Variants in HDAC8 observed in about 807,000 individuals in gnomAD.
HDAC8 encodes histone deacetylase 8.
In HDAC8, 1 loss-of-function variant was observed where a neutral mutation model predicts 32.2. The observed-to-expected ratio is 0.03, with a 90% CI of 0.01 to 0.15. The LOEUF is 0.15. Ranked by LOEUF, HDAC8 falls within the 10% of genes least tolerant of loss-of-function variation. HDAC8 has a pLI of 1.00. For synonymous variants in HDAC8, 108 were observed against 113.9 expected, an observed-to-expected ratio of 0.95 and a Z score of 0.33; for missense variants, 117 against 300.0, an observed-to-expected ratio of 0.39 and a Z score of 4.51.
intron 9 of HDAC8, among the ~76,000 whole-genome samples, chrX:72,420,401 C>G (rs1430550622): frequency 8.9e-6 from 1 of 112,050 alleles, no homozygotes; most frequent in African/African-American, 3.2e-5. Flanking sequence ...ATAGTATTGT[C>G]TTACAAACCT....
At chrX:72,534,312 TA>T (rs782544768) in intron 4 of HDAC8, among the ~76,000 whole-genome samples, 2,084 of 97,876 alleles carry the variant, frequency 0.021, 67 homozygotes, top group African/African-American at 0.087. Flanking sequence ...TATATATATA[TA>T]TATTTTTTTT....
At chrX:72,514,884 C>A (rs370019351) in intron 4 of HDAC8, among the ~76,000 whole-genome samples, 2 of 111,211 alleles carry the variant, frequency 1.8e-5, no homozygotes, top group African/African-American at 6.6e-5. Flanking sequence ...AACTTGAGGG[C>A]TTGAGAAATA....
intron 4 of HDAC8, among the ~76,000 whole-genome samples, chrX:72,513,568 T>A (rs193283859): frequency 7.2e-5 from 8 of 111,241 alleles, no homozygotes; most frequent in Non-Finnish European, 1.5e-4. Flanking sequence ...TTTCAGGTGA[T>A]CTGCCTGCCT....
rs148672870 is a variant in HDAC8, at chrX:72,512,649, G to A, written c.438-17381C>T. On this transcript the variant is annotated intron_variant, in intron 4 of 10. Transcript: ENST00000373573. ...AAACAAATAGGAAATCTACCCCAGA[G>A]CACTTAAGGAGTTGGCCAAACGTTG... Among the ~76,000 whole-genome samples the A allele has an allele frequency of 1.8e-4, 20 of 110,851 alleles. No individual in the cohort carries two copies. In the East Asian group the frequency reaches 5.7e-3, roughly 32 times the overall value.
intron 9 of HDAC8, among the ~76,000 whole-genome samples, chrX:72,458,195 C>A (rs1448051269): frequency 2.7e-5 from 3 of 112,638 alleles, no homozygotes; most frequent in Non-Finnish European, 5.6e-5. Flanking sequence ...ATCATACATA[C>A]AAGCTCCATT....
chrX:72,397,985 A>G (rs1197963934), intron 9 of HDAC8, among the ~76,000 whole-genome samples: 1 of 112,107 alleles, frequency 8.9e-6, no homozygotes, highest in Non-Finnish European at 1.9e-5. Flanking sequence ...GGAATTAATG[A>G]GTTGTAAAGT....
intron 4 of HDAC8, among the ~76,000 whole-genome samples, chrX:72,502,160 TA>T (rs1267246347): frequency 5.4e-5 from 6 of 111,825 alleles, no homozygotes; most frequent in Admixed American, 2.8e-4. Flanking sequence ...AAAACACTTA[TA>T]CCCTGTTGAT....
intron 9 of HDAC8, among the ~76,000 whole-genome samples, chrX:72,354,752 C>A (rs2044282326): frequency 8.9e-6 from 1 of 111,817 alleles, no homozygotes; most frequent in African/African-American, 3.3e-5. Flanking sequence ...GTGGTGAATT[C>A]TGAGATTTTA....
chrX:72,334,986 T>G (rs1179256422), intron 10 of HDAC8, among the ~76,000 whole-genome samples: 1 of 112,418 alleles, frequency 8.9e-6, no homozygotes, highest in African/African-American at 3.2e-5. Flanking sequence ...TAGGTGTTGA[T>G]GAACAATCTC....
chrX:72,420,968 T>G (rs1339219061), intron 9 of HDAC8, among the ~76,000 whole-genome samples: 1 of 111,263 alleles, frequency 9.0e-6, no homozygotes, highest in Non-Finnish European at 1.9e-5. Context: ...ATTTGTTTAC[T>G]GATAAGGATG....
At chrX:72,350,268 C>T (rs1220482790) in intron 10 of HDAC8, among the ~76,000 whole-genome samples, 1 of 111,604 alleles carries the variant, frequency 9.0e-6, no homozygotes, top group South Asian at 3.8e-4. Flanking sequence ...AGGGGACAAT[C>T]AGCAATGCTG....
chrX:72,548,797 G>A (rs781796230), intron 4 of HDAC8, among the ~76,000 whole-genome samples: 5 of 111,323 alleles, frequency 4.5e-5, no homozygotes, highest in Admixed American at 1.9e-4. Context: ...AGCCTCCTGA[G>A]TAGCTAGGAC....
At chrX:72,357,460 T>C (rs1555951138) in intron 9 of HDAC8, among the ~76,000 whole-genome samples, 1 of 110,431 alleles carries the variant, frequency 9.1e-6, no homozygotes, top group African/African-American at 3.3e-5. Context: ...GGAAAAATCA[T>C]GGGGAACAGC....
intron 9 of HDAC8, among the ~76,000 whole-genome samples, chrX:72,445,447 T>C (rs1555984284): frequency 8.9e-6 from 1 of 112,106 alleles, no homozygotes. Context: ...ATTCCCTATT[T>C]AATAAATGGT....
chrX:72,540,490 C>T (rs952316773), intron 4 of HDAC8, among the ~76,000 whole-genome samples: 22 of 110,230 alleles, frequency 2.0e-4, no homozygotes, highest in Middle Eastern at 4.8e-3. Context: ...GGAGAACATA[C>T]TTGATTTAAC....
chrX:72,490,170 T>G (rs1353128970), intron 6 of HDAC8, among the ~76,000 whole-genome samples: 3 of 109,699 alleles, frequency 2.7e-5, no homozygotes, highest in African/African-American at 9.9e-5. Context: ...GTAAACTAGA[T>G]CAACCCTTGT....
intron 2 of HDAC8, among the ~76,000 whole-genome samples, chrX:72,570,994 G>A (rs2052013908): frequency 8.9e-6 from 1 of 111,891 alleles, no homozygotes; most frequent in Non-Finnish European, 1.9e-5. Flanking sequence ...GCGCAATCTC[G>A]GCTCACTGCA....
At chrX:72,444,795 T>C (rs1555983868) in intron 9 of HDAC8, among the ~76,000 whole-genome samples, 1 of 106,652 alleles carries the variant, frequency 9.4e-6, no homozygotes, top group African/African-American at 3.4e-5. Context: ...CCCCATTGTC[T>C]CAGCCCAAAA....
intron 9 of HDAC8, among the ~76,000 whole-genome samples, chrX:72,439,361 AC>A (rs1232000057): frequency 9.0e-6 from 1 of 111,569 alleles, no homozygotes; most frequent in African/African-American, 3.3e-5. Flanking sequence ...GCAAAAACAT[AC>A]CAAATTGTAA....
Sources: gnomAD v4.1 joint callset for allele counts (sites outside exome capture counted in the v4.1 genomes callset) on GRCh38, gnomAD v4.1.1 for gene constraint, MANE v1.5 for transcripts, NCBI Gene and HGNC (gene_info 2026-07-23, HGNC 2026-07-21) for gene names.